KCNQ5: variants seen among roughly 807,000 people sequenced by gnomAD.
KCNQ5 encodes the protein potassium voltage-gated channel subfamily KQT member 5.
In KCNQ5, 30 loss-of-function variants were observed where a neutral mutation model predicts 98.2. The observed-to-expected ratio is 0.31, with a 90% CI of 0.23 to 0.41. The LOEUF (loss-of-function observed/expected upper bound fraction) is 0.41. Among genes scored for constraint, KCNQ5 ranks in the 10% least tolerant of loss-of-function variants. The pLI, the probability that KCNQ5 is intolerant of heterozygous loss-of-function variation, is 1.00. For synonymous variants in KCNQ5, 458 were observed against 449.4 expected (o/e 1.02, Z -0.24); for missense variants, 835 against 1,182.5 (o/e 0.71, Z 4.31).
intron 1 of KCNQ5, among the ~76,000 whole-genome samples, chr6:72,690,120 A>G (rs1768140544): frequency 6.6e-6 from 1 of 152,086 alleles, no homozygotes; most frequent in Non-Finnish European, 1.5e-5. Context: ...TAAAAATATA[A>G]AAATTAGCTG....
chr6:73,114,641 T>C (rs978609084), intron 7 of KCNQ5, among the ~76,000 whole-genome samples: 3 of 152,224 alleles, frequency 2.0e-5, no homozygotes, highest in Non-Finnish European at 2.9e-5. Context: ...GTGCTTCTAA[T>C]ACATTATGTT....
chr6:73,140,258 T>C (rs1776649206), intron 10 of KCNQ5, among the ~76,000 whole-genome samples: 1 of 152,244 alleles, frequency 6.6e-6, no homozygotes, highest in African/African-American at 2.4e-5. Context: ...TTTATGCTTA[T>C]TTTCCAATGG....
intron 1 of KCNQ5, among the ~76,000 whole-genome samples, chr6:72,697,632 G>A (rs531373630): frequency 6.6e-6 from 1 of 152,168 alleles, no homozygotes; most frequent in East Asian, 1.9e-4. Flanking sequence ...AGAAATATTT[G>A]GTAATGAAAG....
At chr6:73,033,124 G>A (rs1441285283) in intron 2 of KCNQ5, among the ~76,000 whole-genome samples, 1 of 152,120 alleles carries the variant, frequency 6.6e-6, no homozygotes, top group African/African-American at 2.4e-5. Flanking sequence ...TAGTAACTGG[G>A]ATGCATAGGG....
At chr6:72,711,428 A>G (rs1450752643) in intron 1 of KCNQ5, among the ~76,000 whole-genome samples, 2 of 152,190 alleles carry the variant, frequency 1.3e-5, no homozygotes, top group Non-Finnish European at 2.9e-5. Flanking sequence ...AAAGAAGCAT[A>G]AAGGAACAAC....
At position 73,077,325 on chromosome 6, in the gene KCNQ5, C is replaced by T; in HGVS notation, c.620C>T (p.Thr207Ile). 6.2e-7 allele frequency: 1 copy of T among 1,613,700 alleles called. No homozygotes were observed. Among genetic ancestry groups the T allele is most frequent in the South Asian group, 1.1e-5 (1 of 90,978 alleles). Residue 207 changes from threonine to isoleucine, a missense_variant, in exon 4 of 14, where the codon ACC (threonine) becomes ATC (isoleucine). Around this residue, in one of 10 missense-constraint regions of KCNQ5, gnomAD observed 48 missense variants for 112.1 expected, o/e 0.43. Coordinates refer to ENST00000370398, the MANE Select transcript of KCNQ5 (RefSeq NM_019842.4). Reference protein sequence around the residue: ...FARKPFCVIDTIVLIASIAVV... With the variant: ...FARKPFCVIDIIVLIASIAVV... ...TATTTCGACCTGTTTCTTTCAGATACCATTGTTCTTATCGCTTCAATAGCA... is the reference window on the plus strand; with the variant it reads ...TATTTCGACCTGTTTCTTTCAGATATCATTGTTCTTATCGCTTCAATAGCA...
At chr6:72,884,523 C>G (rs1447981023) in intron 1 of KCNQ5, among the ~76,000 whole-genome samples, 3 of 152,136 alleles carry the variant, frequency 2.0e-5, no homozygotes, top group African/African-American at 7.2e-5. Flanking sequence ...GATACATCCT[C>G]ACTTTCCTTT....
chr6:73,031,822 A>G (rs574113977), intron 2 of KCNQ5, among the ~76,000 whole-genome samples: 2 of 152,302 alleles, frequency 1.3e-5, no homozygotes, highest in Admixed American at 1.3e-4. Context: ...GCTATATGAA[A>G]CTCTGTAAAT....
chr6:72,931,659 T>C (rs191386988), intron 1 of KCNQ5, among the ~76,000 whole-genome samples: 47 of 152,278 alleles, frequency 3.1e-4, no homozygotes, highest in Admixed American at 5.2e-4. Flanking sequence ...AACTAGTGGC[T>C]CCAGGCACCT....
In KCNQ5 at chr6:73,126,274, C is replaced by G. The variant is rs139893208; in HGVS notation, c.1247+1762C>G. On this transcript the variant is annotated intron_variant, in intron 9 of 13. Coordinates refer to ENST00000370398, the MANE Select transcript of KCNQ5 (RefSeq NM_019842.4). Reference sequence around the variant, plus strand: ...TGCGATCACCCATCTTAGATTCATCCTCCAAAACGGAGCTGTTAACACCTA... The same window carrying G: ...TGCGATCACCCATCTTAGATTCATCGTCCAAAACGGAGCTGTTAACACCTA... Among the ~76,000 whole-genome samples the G allele has an allele frequency of 6.2e-3, 946 of 152,246 alleles. 11 individuals carry two copies. Among genetic ancestry groups the G allele is most frequent in the African/African-American group, 0.02 (827 of 41,532 alleles).
chr6:73,139,013 C>G (rs1776596444), intron 10 of KCNQ5, among the ~76,000 whole-genome samples: 1 of 152,188 alleles, frequency 6.6e-6, no homozygotes, highest in Non-Finnish European at 1.5e-5. Flanking sequence ...TAAGACAGCT[C>G]TCCACAGAGC....
chr6:73,075,607 C>T (rs1314274319), intron 3 of KCNQ5, among the ~76,000 whole-genome samples: 1 of 152,276 alleles, frequency 6.6e-6, no homozygotes, highest in Non-Finnish European at 1.5e-5. Context: ...TGCAACTGGC[C>T]TTTATTCACT....
chr6:73,077,289 C>T, intron 3 of KCNQ5, 33 bp from the exon 4 acceptor site: 1 of 1,594,856 alleles, frequency 6.3e-7, no homozygotes, highest in Non-Finnish European at 8.6e-7. Flanking sequence ...CCTGGTCGTG[C>T]TAACTGTGGC....
intron 1 of KCNQ5, among the ~76,000 whole-genome samples, chr6:72,986,087 G>A (rs138740343): frequency 0.014 from 2,139 of 152,134 alleles, 34 homozygotes; most frequent in African/African-American, 0.036. Context: ...AAAATTAGCC[G>A]GGCCTTGTGG....
chr6:72,724,439 T>C (rs553909285), intron 1 of KCNQ5, among the ~76,000 whole-genome samples: 2 of 152,344 alleles, frequency 1.3e-5, no homozygotes, highest in East Asian at 1.9e-4. Flanking sequence ...TGAAAGGCAA[T>C]TGGGAGTTTC....
chr6:72,647,679 T>C (rs1413364420), intron 1 of KCNQ5, among the ~76,000 whole-genome samples: 2 of 152,080 alleles, frequency 1.3e-5, no homozygotes, highest in South Asian at 2.1e-4. Context: ...AGCAAGGAGC[T>C]CTTTTTGCAA....
chr6:72,695,295 G>A (rs1768427973), intron 1 of KCNQ5, among the ~76,000 whole-genome samples: 1 of 151,990 alleles, frequency 6.6e-6, no homozygotes, highest in South Asian at 2.1e-4. Context: ...TGTTTCAAAA[G>A]GACCTTAGTT....
intron 1 of KCNQ5, among the ~76,000 whole-genome samples, chr6:72,654,028 T>G (rs1018371139): frequency 6.6e-6 from 1 of 152,076 alleles, no homozygotes; most frequent in Non-Finnish European, 1.5e-5. Flanking sequence ...ACATAATGAA[T>G]ACTTGATACT....
chr6:72,660,608 T>TC (rs1432228185), intron 1 of KCNQ5, among the ~76,000 whole-genome samples: 2 of 152,162 alleles, frequency 1.3e-5, no homozygotes, highest in Non-Finnish European at 2.9e-5. Flanking sequence ...CATTTCAGTG[T>TC]CCCGGAGCAA....
Sources: allele counts gnomAD v4.1 joint callset (sites outside exome capture counted in the v4.1 genomes callset), GRCh38; gene constraint gnomAD v4.1.1; regional missense constraint gnomAD v4.1.1; transcripts MANE v1.5; gene names NCBI Gene and HGNC (gene_info 2026-07-23, HGNC 2026-07-21).